OPA3: variants seen among roughly 807,000 people sequenced by gnomAD.
The protein encoded by OPA3 is outer mitochondrial membrane lipid metabolism regulator OPA3.
A neutral mutation model predicts 4.0 loss-of-function variants in OPA3; 6 were observed. The observed-to-expected ratio is 1.51, with a 90% CI of 0.83 to 2.99. The LOEUF is 2.99. Among genes scored for constraint, OPA3 ranks in the 30% most tolerant of loss-of-function variants. The pLI, the probability that OPA3 is intolerant of heterozygous loss-of-function variation, is 0.00. For missense variants in OPA3, 235 were observed against 256.2 expected (o/e 0.92, Z 0.56); for synonymous variants, 105 against 117.1 (o/e 0.90, Z 0.67).
At chr19:45,564,486 A>G (rs558790745) in intron 1 of OPA3, among the ~76,000 whole-genome samples, 1 of 152,292 alleles carries the variant, frequency 6.6e-6, no homozygotes, top group Admixed American at 6.5e-5. Flanking sequence ...ACTGAAAACA[A>G]GCCTGTTCCT....
At chr19:45,558,858 C>G (rs939521701) in intron 1 of OPA3, among the ~76,000 whole-genome samples, 1 of 151,506 alleles carries the variant, frequency 6.6e-6, no homozygotes, top group Non-Finnish European at 1.5e-5. Flanking sequence ...AGAGAGGAGA[C>G]CCTCTGAGTG....
chr19:45,565,458 C>T (rs552324444), intron 1 of OPA3, among the ~76,000 whole-genome samples: 3 of 151,480 alleles, frequency 2.0e-5, no homozygotes, highest in South Asian at 4.2e-4. Flanking sequence ...GGTAAAAACC[C>T]GTCTCTAGTA....
chr19:45,564,604 C>A (rs1005635936), intron 1 of OPA3, among the ~76,000 whole-genome samples: 1 of 152,158 alleles, frequency 6.6e-6, no homozygotes, highest in Admixed American at 6.6e-5. Flanking sequence ...ACACCTGCCA[C>A]TGAGGTCCAG....
At chr19:45,544,279 C>G (rs576033387), downstream of OPA3, among the ~76,000 whole-genome samples, 1 of 152,144 alleles carries the variant, frequency 6.6e-6, no homozygotes, top group African/African-American at 2.4e-5. Context: ...AGCCACCACG[C>G]GGAGGAAACA....
chr19:45,584,513 T>A, intron 1 of OPA3, 110 bp downstream of exon 1: 1 of 1,596,420 alleles, frequency 6.3e-7, no homozygotes, highest in Non-Finnish European at 8.5e-7. Context: ...CCACTGGACT[T>A]TGCCGGTTCG....
At chr19:45,557,318 G>A (rs1253999098) in intron 1 of OPA3, among the ~76,000 whole-genome samples, 1 of 152,128 alleles carries the variant, frequency 6.6e-6, no homozygotes, top group Non-Finnish European at 1.5e-5. Context: ...CAGAGCAGGG[G>A]CCGACGGCAT....
rs1599957152 is a variant in OPA3, at chr19:45,547,106, G to A, written c.*6408C>T. On this transcript the variant is annotated 3_prime_UTR_variant, in exon 2 of 2. Transcript: ENST00000263275. ...AGGGAGGGAGGGAGGACTCCACAGA[G>A]GGGGAAGCTGAAGCCAGATGTGGTG... 1.3e-5 allele frequency: 2 copies of A among 152,372 alleles called. No individual in the cohort carries two copies. Among genetic ancestry groups the A allele is most frequent in the Admixed American group, 1.3e-4 (2 of 15,254 alleles). 9.4% of individuals were successfully genotyped at this position (152,372 alleles called of 1,614,324 possible). A position where few individuals can be genotyped will look rare whatever the true frequency, so the allele number is the denominator to read the frequency against.
In OPA3 at chr19:45,584,611, G is replaced by T. The variant is rs775935805; in HGVS notation, c.142+12C>A. The T allele has an allele frequency of 1.9e-6, 3 of 1,614,194 alleles. No individual in the cohort carries two copies. Among genetic ancestry groups the T allele is most frequent in the East Asian group, 2.2e-5 (1 of 44,886 alleles). On this transcript the variant is annotated intron_variant, in intron 1 of 1. Coordinates refer to ENST00000263275, the MANE Select transcript of OPA3 (RefSeq NM_025136.4). ...AAGGAAAAAGGTTGGAGGGAATTCG[G>T]GTCAGACTCACGTTGAGCCGGCGGG...
At chr19:45,545,177 A>AC (rs1283483768), downstream of OPA3, among the ~76,000 whole-genome samples, 1 of 144,312 alleles carries the variant, frequency 6.9e-6, no homozygotes, top group Non-Finnish European at 1.5e-5. Context: ...AAAAAAAAAA[A>AC]ACAAAAAAAC....
In OPA3 at chr19:45,549,575, G is replaced by A; in HGVS notation, c.*3939C>T. 5 of 856,062 alleles carry A rather than the reference G, an allele frequency of 5.8e-6. No homozygotes were observed. Among genetic ancestry groups the A allele is most frequent in the Non-Finnish European group, 7.0e-6 (5 of 712,076 alleles). 53.0% of individuals were successfully genotyped at this position (856,062 alleles called of 1,614,324 possible). The stretch of plus-strand genomic sequence containing the variant: ...AGCTCACTGCAACCTCCACCTCCTG[G>A]GTTCAAGCAATTCTCGTGCCTCAGC... On this transcript the variant is annotated 3_prime_UTR_variant, in exon 2 of 2. Transcript: ENST00000263275.
chr19:45,534,783 C>T (rs1047565866), intron 1 of OPA3, among the ~76,000 whole-genome samples: 2 of 151,698 alleles, frequency 1.3e-5, no homozygotes, highest in East Asian at 2.0e-4. Flanking sequence ...CAGGCACGCG[C>T]CACCATGCCC....
chr19:45,539,246 T>A (rs1464953258), intron 1 of OPA3, among the ~76,000 whole-genome samples: 1 of 152,104 alleles, frequency 6.6e-6, no homozygotes, highest in Non-Finnish European at 1.5e-5. Context: ...CGCATGTCAC[T>A]GGCGGAAATG....
chr19:45,553,350 A>C lies in OPA3; in HGVS notation c.*164T>G. The C allele has an allele frequency of 6.6e-7, 1 of 1,508,904 alleles. No individual in the cohort carries two copies. The highest frequency in any genetic ancestry group is 8.8e-7 in the Non-Finnish European group (1 of 1,133,082). 93.5% of individuals were successfully genotyped at this position (1,508,904 alleles called of 1,614,324 possible). ...TTGCAACGCTTCACCTGCTGGTCCCAGTGGCAGGTAACGGCTGCTCTTATC... is the reference window on the plus strand; with the variant it reads ...TTGCAACGCTTCACCTGCTGGTCCCCGTGGCAGGTAACGGCTGCTCTTATC... On this transcript the variant is annotated 3_prime_UTR_variant, in exon 2 of 2. Coordinates refer to ENST00000263275, the MANE Select transcript of OPA3 (RefSeq NM_025136.4).
At chr19:45,557,477 G>A (rs551191812) in intron 1 of OPA3, among the ~76,000 whole-genome samples, 3 of 152,014 alleles carry the variant, frequency 2.0e-5, no homozygotes, top group Admixed American at 6.6e-5. Flanking sequence ...GGGTCAACAC[G>A]CTCCAGATGT....
intron 1 of OPA3, among the ~76,000 whole-genome samples, chr19:45,571,292 C>T (rs1417171948): frequency 4.0e-5 from 6 of 148,610 alleles, no homozygotes; most frequent in Non-Finnish European, 7.4e-5. Context: ...TACAGGCATG[C>T]GCCACCATGC....
chr19:45,553,527 G>A lies in OPA3; in HGVS notation c.527C>T (p.Ala176Val), dbSNP rs1969369277. The change falls in exon 2 of 2, where the codon GCG (alanine) becomes GTG (valine). Residue 176 changes from alanine (A) to valine (V), a missense_variant. Coordinates refer to ENST00000263275, the MANE Select transcript of OPA3 (RefSeq NM_025136.4). ...PGRSASHAVP[A>V]SKK is the part of the protein sequence containing the mutation. ...TCCAGCAAGCTCCTATTTCTTGGACGCAGGCACTGCGTGGGAAGCGGACCG... is the reference window on the plus strand; with the variant it reads ...TCCAGCAAGCTCCTATTTCTTGGACACAGGCACTGCGTGGGAAGCGGACCG... The A allele has an allele frequency of 1.2e-6, 2 of 1,613,168 alleles. No homozygotes were observed. Among genetic ancestry groups the A allele is most frequent in the South Asian group, 2.2e-5 (2 of 91,092 alleles).
Position 45,529,065 on chromosome 19 carries a change from G to A in OPA3, c.534C>T (p.Ser178=), listed in dbSNP as rs1162879805. The change falls in exon 2 of 2, where the codon TCC becomes TCT. Residue 178 remains serine (S), a synonymous_variant. Transcript: ENST00000323060. ...AGGGCCCCGAGACCTCCTATTTCTC[G>A]GACGCCGGCGCAACTGGGGGTGCAG... 3.3e-5 allele frequency: 53 copies of A among 1,599,206 alleles called. No homozygotes were observed. The highest frequency in any genetic ancestry group is 4.3e-5 in the Non-Finnish European group (51 of 1,172,552).
chr19:45,545,444 T>C (rs543595540), downstream of OPA3, among the ~76,000 whole-genome samples: 6 of 151,448 alleles, frequency 4.0e-5, no homozygotes, highest in Admixed American at 1.3e-4. Flanking sequence ...CATGGGAGGA[T>C]TGCTTGAGCC....
chr19:45,547,437 C>A lies in OPA3; in HGVS notation c.*6077G>T, dbSNP rs937557921. 1 of 152,212 alleles carries A rather than the reference C, an allele frequency of 6.6e-6. No homozygotes were observed. Among genetic ancestry groups the A allele is most frequent in the Non-Finnish European group, 1.5e-5 (1 of 68,036 alleles). The allele number at this position is 152,212 out of a possible 1,614,324, so 9.4% of individuals were successfully genotyped here. On this transcript the variant is annotated 3_prime_UTR_variant, in exon 2 of 2. Coordinates refer to ENST00000263275, the MANE Select transcript of OPA3 (RefSeq NM_025136.4). ...ATTTACAAAGACAGGAAGCAAGGGT[C>A]CCCTTGATTTGGCCCAAAGGCCTTG...
Sources: gnomAD v4.1 joint callset for allele counts (sites outside exome capture counted in the v4.1 genomes callset) on GRCh38, gnomAD v4.1.1 for gene constraint, MANE v1.5 for transcripts, NCBI Gene and HGNC (gene_info 2026-07-23, HGNC 2026-07-21) for gene names.